SHROOM3: variants seen among roughly 807,000 people sequenced by gnomAD.
SHROOM3 encodes the protein protein Shroom3.
Under a neutral mutation model 138.6 loss-of-function variants are expected in SHROOM3, and 47 were observed. The observed-to-expected ratio is 0.34, with a 90% CI of 0.27 to 0.43. The LOEUF (loss-of-function observed/expected upper bound fraction) is 0.43. Among genes scored for constraint, SHROOM3 ranks in the 20% least tolerant of loss-of-function variants. The pLI, the probability that SHROOM3 is intolerant of heterozygous loss-of-function variation, is 1.00. For missense variants in SHROOM3, 2,491 were observed against 2,596.5 expected (o/e 0.96, Z 0.88); for synonymous variants, 1,062 against 1,063.3 (o/e 1.00, Z 0.02).
chr4:76,570,742 T>C (rs1733818475), intron 2 of SHROOM3, among the ~76,000 whole-genome samples: 1 of 152,200 alleles, frequency 6.6e-6, no homozygotes, highest in South Asian at 2.1e-4. Flanking sequence ...GGCGAACTTA[T>C]CTTTGCTATA....
intron 2 of SHROOM3, among the ~76,000 whole-genome samples, chr4:76,579,330 T>C (rs1344135341): frequency 4.6e-5 from 7 of 151,792 alleles, no homozygotes; most frequent in African/African-American, 1.7e-4. Flanking sequence ...TAGCTGGGCG[T>C]GGTGGCAGGC....
chr4:76,624,337 T>C (rs182901459), intron 2 of SHROOM3, among the ~76,000 whole-genome samples: 1 of 152,156 alleles, frequency 6.6e-6, no homozygotes, highest in Non-Finnish European at 1.5e-5. Context: ...CTTGGTCTTG[T>C]GGCTTTAACA....
intron 1 of SHROOM3, among the ~76,000 whole-genome samples, chr4:76,499,255 T>C (rs568922096): frequency 5.3e-5 from 8 of 152,294 alleles, no homozygotes; most frequent in Admixed American, 1.3e-4. Context: ...GCTGTGGCTA[T>C]TGGGCAAATT....
chr4:76,465,276 G>C (rs1293103383), intron 1 of SHROOM3, among the ~76,000 whole-genome samples: 1 of 152,216 alleles, frequency 6.6e-6, no homozygotes, highest in Admixed American at 6.5e-5. Flanking sequence ...ACACTGCTCA[G>C]ATGTTACTTC....
At chr4:76,574,336 C>G (rs1285920698) in intron 2 of SHROOM3, among the ~76,000 whole-genome samples, 1 of 152,102 alleles carries the variant, frequency 6.6e-6, no homozygotes, top group Non-Finnish European at 1.5e-5. Context: ...TGTGATCATG[C>G]CCAGGAACTT....
At chr4:76,522,963 A>G (rs145853290) in intron 1 of SHROOM3, among the ~76,000 whole-genome samples, 65 of 152,278 alleles carry the variant, frequency 4.3e-4, no homozygotes, top group African/African-American at 1.4e-3. Context: ...TGGCTATACT[A>G]TTAGTTTCCT....
At chr4:76,503,360 T>C (rs2110000656) in intron 1 of SHROOM3, among the ~76,000 whole-genome samples, 1 of 152,342 alleles carries the variant, frequency 6.6e-6, no homozygotes, top group East Asian at 1.9e-4. Context: ...ATTAGATTTA[T>C]TCCTATGTGT....
intron 1 of SHROOM3, among the ~76,000 whole-genome samples, chr4:76,488,493 A>C (rs1014566669): frequency 2.6e-5 from 4 of 152,210 alleles, no homozygotes; most frequent in African/African-American, 9.6e-5. Context: ...AGAGGAATAA[A>C]ATATGGACTT....
chr4:76,576,931 A>G (rs996766057), intron 2 of SHROOM3, among the ~76,000 whole-genome samples: 7 of 152,206 alleles, frequency 4.6e-5, no homozygotes, highest in Admixed American at 6.5e-5. Flanking sequence ...AACTGGGTTA[A>G]AAACAGTTTA....
intron 1 of SHROOM3, among the ~76,000 whole-genome samples, chr4:76,438,699 G>A (rs528798360): frequency 4.6e-5 from 7 of 151,620 alleles, no homozygotes; most frequent in African/African-American, 7.3e-5. Context: ...ATTTTATTTC[G>A]TTGATTGCCT....
At chr4:76,445,848 A>G (rs1234780769) in intron 1 of SHROOM3, among the ~76,000 whole-genome samples, 1 of 152,202 alleles carries the variant, frequency 6.6e-6, no homozygotes, top group African/African-American at 2.4e-5. Flanking sequence ...GTACATTTCT[A>G]AGGTACTTCC....
chr4:76,528,544 C>CTTTTTTTTTTTTTTTTTTTTTTTTTTTTT (rs146962643), intron 1 of SHROOM3, among the ~76,000 whole-genome samples: 1 of 103,456 alleles, frequency 9.7e-6, no homozygotes, highest in South Asian at 3.3e-4. Context: ...ATCTTTCTTT[C>CTTTTTTTTTTTTTTTTTTTTTTTTTTTTT]TTTCTTTTTT....
chr4:76,717,066 T>C (rs1467488807), intron 3 of SHROOM3, among the ~76,000 whole-genome samples: 1 of 152,248 alleles, frequency 6.6e-6, no homozygotes, highest in Non-Finnish European at 1.5e-5. Context: ...TTTACTTCTT[T>C]CAACACTTTT....
At chr4:76,746,732 A>G (rs1721445234) in intron 5 of SHROOM3, among the ~76,000 whole-genome samples, 2 of 151,476 alleles carry the variant, frequency 1.3e-5, no homozygotes, top group Non-Finnish European at 2.9e-5. Context: ...GAGATAACTA[A>G]CTTGGAACCC....
At chr4:76,447,383 T>A (rs1479689049) in intron 1 of SHROOM3, among the ~76,000 whole-genome samples, 1 of 152,206 alleles carries the variant, frequency 6.6e-6, no homozygotes, top group Admixed American at 6.5e-5. Flanking sequence ...TGAAAGAAGT[T>A]GTGTGGGTAC....
intron 2 of SHROOM3, among the ~76,000 whole-genome samples, chr4:76,612,622 G>A (rs368533131): frequency 6.5e-4 from 99 of 152,270 alleles, no homozygotes; most frequent in African/African-American, 2.3e-3. Context: ...TTTCAGGCAA[G>A]ATTTAGTTAC....
chr4:76,762,411 C>T (rs558361482), intron 9 of SHROOM3, among the ~76,000 whole-genome samples: 7 of 152,170 alleles, frequency 4.6e-5, no homozygotes, highest in South Asian at 2.1e-4. Flanking sequence ...CAGACTCTTA[C>T]GAGGAAAAAC....
Position 76,741,190 on chromosome 4 carries a change from G to A in SHROOM3, c.3017G>A (p.Gly1006Asp). ...CCCGTGCCCCCTGCCGCCCGGAGAG[G>A]TGCTCGCCGGCGCCTGACTCCCGAG... Reference protein sequence around the residue: ...ARPVPPAARRGARRRLTPEQK... With the variant: ...ARPVPPAARRDARRRLTPEQK... Residue 1006 changes from glycine (G) to aspartate (D), a missense_variant, in exon 5 of 11, where the codon GGT (glycine) becomes GAT (aspartate). By Grantham distance (94) the Gly-to-Asp change is moderately conservative. This residue lies in a region of SHROOM3 where 1,733 missense variants were observed against 1,661.6 expected (regional missense o/e 1.04). Transcript: ENST00000296043. This position sits in a 1 kb window ranked among gnomAD's most constrained non-coding sequence, Gnocchi z 6.2. 1.4e-5 allele frequency: 23 copies of A among 1,597,050 alleles called. No individual in the cohort carries two copies. The highest frequency in any genetic ancestry group is 2.0e-5 in the Non-Finnish European group (23 of 1,172,826).
In SHROOM3 at chr4:76,741,074, G is replaced by A; in HGVS notation, c.2901G>A (p.Gly967=). 6.5e-7 allele frequency: 1 copy of A among 1,532,092 alleles called. No homozygotes were observed. The highest frequency in any genetic ancestry group is 8.8e-7 in the Non-Finnish European group (1 of 1,140,516). The allele number at this position is 1,532,092 out of a possible 1,614,324, so 94.9% of individuals were successfully genotyped here. The change falls in exon 5 of 11, where the codon GGG becomes GGA. Residue 967 remains glycine, a synonymous_variant. Coordinates refer to ENST00000296043, the MANE Select transcript of SHROOM3 (RefSeq NM_020859.4). This position sits in a 1 kb window ranked among gnomAD's most constrained non-coding sequence, Gnocchi z 6.2. The stretch of plus-strand genomic sequence containing the variant: ...CACGGCCTTCCTCGGCCCACGTGGG[G>A]CTGCGGAGCCCCGAGGCGTCGGCCT... The part of the protein sequence containing the change: ...WRPRPSSAHV[G]LRSPEASASA...
Sources: allele counts gnomAD v4.1 joint callset (sites outside exome capture counted in the v4.1 genomes callset), GRCh38; gene constraint gnomAD v4.1.1; regional missense constraint gnomAD v4.1.1; non-coding constraint Gnocchi (gnomAD v3.1); transcripts MANE v1.5; gene names NCBI Gene and HGNC (gene_info 2026-07-23, HGNC 2026-07-21).